Variants in NEO1 observed in about 807,000 individuals in gnomAD.
The protein encoded by NEO1 is neogenin 1.
NEO1 carries 63 observed loss-of-function variants against 159.7 expected under a neutral mutation model. The observed-to-expected ratio is 0.39, with a 90% CI of 0.32 to 0.49. The LOEUF is 0.49. NEO1 is among the 20% of genes least tolerant of loss of function. NEO1 has a pLI of 0.85. For missense variants in NEO1, 1,615 were observed against 1,831.0 expected (o/e 0.88, Z 2.15); for synonymous variants, 633 against 662.0 (o/e 0.96, Z 0.67).
intron 1 of NEO1, among the ~76,000 whole-genome samples, chr15:73,092,418 C>A (rs767628407): frequency 5.9e-5 from 9 of 152,150 alleles, no homozygotes; most frequent in Non-Finnish European, 1.2e-4. Context: ...ATCCACTTTA[C>A]TTAATTATGG....
chr15:73,131,713 AC>A (rs1344193295), intron 4 of NEO1, among the ~76,000 whole-genome samples: 1 of 152,018 alleles, frequency 6.6e-6, no homozygotes, highest in Non-Finnish European at 1.5e-5. Context: ...AGCACTCTCA[AC>A]CCCCTACCCA....
At position 73,052,703 on chromosome 15, in the gene NEO1, C is replaced by G. The variant is rs778270229; in HGVS notation, c.28C>G (p.Leu10Val). ...GGCGGCGGAGCGGGGAGCCCGGCGA[C>G]TCCTCAGCACCCCCTCCTTCTGGCT... is the stretch of plus-strand genomic sequence containing the variant. MAAERGARR[L>V]LSTPSFWLYC... is the part of the protein sequence containing the mutation. Residue 10 changes from leucine to valine, a missense_variant, in exon 1 of 29, where the codon CTC (leucine) becomes GTC (valine). Leu to Val is a conservative substitution (Grantham distance 32, BLOSUM62 1). Coordinates refer to ENST00000261908, the MANE Select transcript of NEO1 (RefSeq NM_002499.4). 5 of 1,357,798 alleles carry G rather than the reference C, an allele frequency of 3.7e-6. No homozygotes were observed. In the Admixed American group the frequency reaches 1.4e-4, roughly 38 times the overall value. 84.1% of individuals were successfully genotyped at this position (1,357,798 alleles called of 1,614,324 possible).
At chr15:73,250,050 G>A (rs1424559271) in intron 11 of NEO1, among the ~76,000 whole-genome samples, 5 of 152,122 alleles carry the variant, frequency 3.3e-5, no homozygotes, top group Non-Finnish European at 7.4e-5. Flanking sequence ...CCATTCCAGG[G>A]CTTTTGGAAG....
At chr15:73,161,247 A>C (rs888807599) in intron 5 of NEO1, among the ~76,000 whole-genome samples, 3 of 152,208 alleles carry the variant, frequency 2.0e-5, no homozygotes, top group African/African-American at 7.2e-5. Flanking sequence ...TTAATCATTA[A>C]ATTTTTGATA....
chr15:73,164,263 G>A (rs1225495637), intron 5 of NEO1, among the ~76,000 whole-genome samples: 11 of 146,766 alleles, frequency 7.5e-5, no homozygotes, highest in African/African-American at 2.5e-4. Context: ...AGGTTGGAGT[G>A]CAATGGCACG....
In NEO1 at chr15:73,296,069, T is replaced by TGGTA. The variant is rs2042353287; in HGVS notation, c.3902-2277_3902-2274dup. Among the ~76,000 whole-genome samples, 6 of 152,238 alleles carry TGGTA rather than the reference T, an allele frequency of 3.9e-5. No homozygotes were observed. In the South Asian group the frequency reaches 1.2e-3, roughly 31 times the overall value. The stretch of plus-strand genomic sequence containing the variant: ...AGTTGTGCAAGGCAGCCCTGGTCTG[T>TGGTA]GGTAGCAGGCCTGGGTGCTGACTCA... On this transcript the variant is annotated intron_variant, in intron 26 of 28. Transcript: ENST00000261908.
chr15:73,278,207 C>G lies in NEO1; in HGVS notation c.3262+8C>G. The G allele has an allele frequency of 1.2e-6, 2 of 1,609,340 alleles. No homozygotes were observed. Among genetic ancestry groups the G allele is most frequent in the Non-Finnish European group, 1.7e-6 (2 of 1,176,670 alleles). On this transcript the variant is annotated splice_region_variant and intron_variant, in intron 22 of 28. Coordinates refer to ENST00000261908, the MANE Select transcript of NEO1 (RefSeq NM_002499.4). Reference sequence around the variant, plus strand: ...ACAAACCTCCAATGAGCGGTAAAGCCTTTCCCATGGCGTTTTTTGCTTACT... The same window carrying G: ...ACAAACCTCCAATGAGCGGTAAAGCGTTTCCCATGGCGTTTTTTGCTTACT...
At chr15:73,137,053 CTCTTT>C (rs2080951818) in intron 5 of NEO1, among the ~76,000 whole-genome samples, 1 of 152,166 alleles carries the variant, frequency 6.6e-6, no homozygotes, top group Non-Finnish European at 1.5e-5. Flanking sequence ...CCTCAGCCTC[CTCTTT>C]TCTTAAGTTC....
chr15:73,193,621 C>T (rs960227954), intron 7 of NEO1, among the ~76,000 whole-genome samples: 1 of 146,734 alleles, frequency 6.8e-6, no homozygotes, highest in Non-Finnish European at 1.5e-5. Context: ...TAAGACAATC[C>T]CCCAGCATAA....
chr15:73,114,229 G>A (rs1382230023), intron 1 of NEO1, among the ~76,000 whole-genome samples: 1 of 152,146 alleles, frequency 6.6e-6, no homozygotes, highest in African/African-American at 2.4e-5. Flanking sequence ...GTGAAGAGGC[G>A]GGAGCGGTGG....
chr15:73,169,403 G>T (rs543400161), intron 5 of NEO1, among the ~76,000 whole-genome samples: 1 of 152,004 alleles, frequency 6.6e-6, no homozygotes, highest in East Asian at 1.9e-4. Context: ...TGACTCATTT[G>T]TTCTCTGGTT....
At chr15:73,210,643 G>A (rs2037505733) in intron 7 of NEO1, among the ~76,000 whole-genome samples, 1 of 152,154 alleles carries the variant, frequency 6.6e-6, no homozygotes, top group African/African-American at 2.4e-5. Context: ...GTTAGGTGTA[G>A]CCTTGAATAT....
intron 5 of NEO1, chr15:73,161,838 T>A: frequency 3.9e-6 from 1 of 259,398 alleles, no homozygotes; most frequent in East Asian, 1.0e-4. Flanking sequence ...CAGAAGCAAT[T>A]CTTTATATAA....
rs1214671248 is a variant in NEO1 at position 73,116,643 on chromosome 15, T to G, written c.234T>G (p.Ser78=). 1 of 1,614,004 alleles carries G rather than the reference T, an allele frequency of 6.2e-7. No homozygotes were observed. ...SSVILNCSAY[S]EPSPKIEWKK... is the part of the protein sequence containing the mutation. ...TTATATTAAACTGTTCAGCATATTC[T>G]GAGCCTTCTCCAAAAATTGAATGGA... Residue 78 remains serine, a synonymous_variant, in exon 2 of 29, where the codon TCT becomes TCG. Transcript: ENST00000261908.
At chr15:73,240,113 G>A (rs1306926555) in intron 8 of NEO1, among the ~76,000 whole-genome samples, 1 of 152,128 alleles carries the variant, frequency 6.6e-6, no homozygotes, top group African/African-American at 2.4e-5. Context: ...AGAAACCCTG[G>A]CATGGAGACT....
At chr15:73,135,782 AAAT>A (rs2031682250) in intron 4 of NEO1, 106 bp from the exon 5 acceptor site, 2 of 993,682 alleles carry the variant, frequency 2.0e-6, no homozygotes, top group Admixed American at 3.6e-5. Flanking sequence ...ATAGCTATAT[AAAT>A]AATAATACTC....
intron 27 of NEO1, chr15:73,299,871 G>A (rs1316297893): frequency 6.6e-6 from 1 of 152,180 alleles, no homozygotes; most frequent in Non-Finnish European, 1.5e-5. Flanking sequence ...ATATGTAATT[G>A]GAAAAGGGAA....
chr15:73,272,690 GTGAGTCA>G (rs1335124251), intron 19 of NEO1, 128 bp downstream of exon 19: 1 of 687,136 alleles, frequency 1.5e-6, no homozygotes, highest in Non-Finnish European at 2.5e-6. Flanking sequence ...ATGGTAAGGT[GTGAGTCA>G]TGATGGTCCT....
At chr15:73,200,153 C>T (rs1028930478) in intron 7 of NEO1, among the ~76,000 whole-genome samples, 3 of 152,190 alleles carry the variant, frequency 2.0e-5, no homozygotes, top group African/African-American at 7.2e-5. Flanking sequence ...ACCAGTGAAA[C>T]TATCTAGGCC....
Sources: gnomAD v4.1 joint callset for allele counts (sites outside exome capture counted in the v4.1 genomes callset) on GRCh38, gnomAD v4.1.1 for gene constraint, MANE v1.5 for transcripts, NCBI Gene and HGNC (gene_info 2026-07-23, HGNC 2026-07-21) for gene names.